Variants in GDAP1 observed in about 807,000 individuals in gnomAD.
GDAP1 encodes ganglioside induced differentiation associated protein 1, also known as ganglioside-induced differentiation-associated protein 1.
A neutral mutation model predicts 40.1 loss-of-function variants in GDAP1; 34 were observed. The observed-to-expected ratio is 0.85, with a 90% CI of 0.64 to 1.13. GDAP1 has a LOEUF of 1.13. GDAP1 is among the 50% of genes most tolerant of loss of function. GDAP1 has a pLI of 0.00. For missense variants in GDAP1, 374 were observed against 433.7 expected, an observed-to-expected ratio of 0.86 and a Z score of 1.22; for synonymous variants, 170 against 157.4, an observed-to-expected ratio of 1.08 and a Z score of -0.60.
At chr8:74,422,255 TTC>T (rs1344324398) in intron 2 of GDAP1, among the ~76,000 whole-genome samples, 2 of 143,690 alleles carry the variant, frequency 1.4e-5, no homozygotes, top group Admixed American at 1.4e-4. Context: ...CCTCCTTTCT[TTC>T]TTTCTTTTTC....
At chr8:74,367,509 C>A (rs754287033), downstream of GDAP1, among the ~76,000 whole-genome samples, 1 of 151,578 alleles carries the variant, frequency 6.6e-6, no homozygotes, top group East Asian at 1.9e-4. Flanking sequence ...TATCTAACTT[C>A]GTAGTCTGCT....
Position 74,468,224 on chromosome 8 carries a change from T to C in GDAP1, c.166-20454T>C, listed in dbSNP as rs181996577. Among the ~76,000 whole-genome samples the C allele has an allele frequency of 9.9e-5, 15 of 152,214 alleles. No homozygotes were observed. The East Asian group carries it at 2.3e-3, about 23-fold the overall frequency. On this transcript the variant is annotated intron_variant, in intron 2 of 2. Transcript: ENST00000523640. ...GGCTAATTCATCTTCATTACTCTTCTTTTTCAGTGGTTTCTCACCTATATG... is the reference window on the plus strand; with the variant it reads ...GGCTAATTCATCTTCATTACTCTTCCTTTTCAGTGGTTTCTCACCTATATG...
At chr8:74,362,011 A>G (rs1362833726) in intron 4 of GDAP1, 33 bp downstream of exon 4, 1 of 1,043,288 alleles carries the variant, frequency 9.6e-7, no homozygotes, top group Non-Finnish European at 1.5e-6. Context: ...GTTGACATAC[A>G]CTGCACGGAG....
intron 2 of GDAP1, among the ~76,000 whole-genome samples, chr8:74,429,431 G>A (rs912599657): frequency 3.3e-5 from 5 of 152,168 alleles, no homozygotes; most frequent in African/African-American, 1.2e-4. Context: ...TGTTAAGGCT[G>A]CTATAACAAA....
intron 2 of GDAP1, among the ~76,000 whole-genome samples, chr8:74,401,574 A>T (rs1810341194): frequency 6.7e-6 from 1 of 149,366 alleles, no homozygotes; most frequent in Non-Finnish European, 1.5e-5. Flanking sequence ...TTCTCCGTCC[A>T]GCTTTGTTCC....
At chr8:74,394,182 C>A (rs1210331390) in intron 2 of GDAP1, among the ~76,000 whole-genome samples, 1 of 152,140 alleles carries the variant, frequency 6.6e-6, no homozygotes, top group Non-Finnish European at 1.5e-5. Context: ...AGAGAGAGAG[C>A]TTGTGCAGGG....
chr8:74,401,824 G>C (rs990228309), intron 2 of GDAP1, among the ~76,000 whole-genome samples: 1 of 150,084 alleles, frequency 6.7e-6, no homozygotes, highest in African/African-American at 2.5e-5. Flanking sequence ...GTCCAGTCCA[G>C]ACCCTGTTTG....
chr8:74,368,531 C>T (rs971698600), downstream of GDAP1, among the ~76,000 whole-genome samples: 1 of 152,180 alleles, frequency 6.6e-6, no homozygotes, highest in Non-Finnish European at 1.5e-5. Context: ...TCTGCTCATT[C>T]CCTTGCAACA....
At chr8:74,409,693 G>A (rs1156705485) in intron 2 of GDAP1, among the ~76,000 whole-genome samples, 1 of 149,934 alleles carries the variant, frequency 6.7e-6, no homozygotes, top group African/African-American at 2.5e-5. Context: ...AGGCCTCCCA[G>A]AGAGTATCAA....
intron 2 of GDAP1, among the ~76,000 whole-genome samples, chr8:74,386,372 G>A (rs1166106724): frequency 1.7e-4 from 26 of 152,166 alleles, no homozygotes; most frequent in Admixed American, 1.7e-3. Flanking sequence ...TGTATAAGGT[G>A]TAAGGATGGG....
chr8:74,484,991 T>A (rs566984454), intron 2 of GDAP1, among the ~76,000 whole-genome samples: 1 of 152,214 alleles, frequency 6.6e-6, no homozygotes, highest in East Asian at 1.9e-4. Flanking sequence ...AAGTTTATCC[T>A]TTACCATTTC....
At chr8:74,487,092 G>T (rs978592843) in intron 2 of GDAP1, among the ~76,000 whole-genome samples, 1 of 152,108 alleles carries the variant, frequency 6.6e-6, no homozygotes, top group Admixed American at 6.6e-5. Flanking sequence ...AATGAGATTT[G>T]CATTTAAAAG....
chr8:74,418,326 T>C (rs1805810676), intron 2 of GDAP1, among the ~76,000 whole-genome samples: 1 of 152,184 alleles, frequency 6.6e-6, no homozygotes, highest in Non-Finnish European at 1.5e-5. Context: ...GTGGCATTGG[T>C]GAAGGGATAA....
chr8:74,486,697 A>G (rs1040817954), intron 2 of GDAP1, among the ~76,000 whole-genome samples: 1 of 152,140 alleles, frequency 6.6e-6, no homozygotes, highest in Non-Finnish European at 1.5e-5. Context: ...AATACACAAA[A>G]TTATTACCTG....
chr8:74,419,017 C>G (rs1458813800), intron 2 of GDAP1, among the ~76,000 whole-genome samples: 2 of 152,160 alleles, frequency 1.3e-5, no homozygotes, highest in African/African-American at 4.8e-5. Context: ...TTAAATTAAA[C>G]ATACTGGCAA....
chr8:74,438,930 A>G (rs753994261), intron 2 of GDAP1, among the ~76,000 whole-genome samples: 8 of 152,110 alleles, frequency 5.3e-5, no homozygotes, highest in African/African-American at 1.9e-4. Context: ...GTATTGGTTT[A>G]TAAGTATTCA....
intron 2 of GDAP1, among the ~76,000 whole-genome samples, chr8:74,356,109 G>A (rs1809081273): frequency 6.6e-6 from 1 of 152,046 alleles, no homozygotes; most frequent in South Asian, 2.1e-4. Flanking sequence ...GTTGAATATA[G>A]GCCTTTTAGC....
At chr8:74,350,692 C>G (rs1395490767) in intron 1 of GDAP1, 114 bp downstream of exon 1, 2 of 795,436 alleles carry the variant, frequency 2.5e-6, no homozygotes, top group Non-Finnish European at 4.4e-6. Context: ...CCTCCAGTGT[C>G]CTGACCCCGG....
At chr8:74,383,612 A>G (rs959384950) in intron 2 of GDAP1, among the ~76,000 whole-genome samples, 1 of 152,140 alleles carries the variant, frequency 6.6e-6, no homozygotes, top group Non-Finnish European at 1.5e-5. Context: ...CAGAAATCTC[A>G]TTTCCAAATC....
Sources: gnomAD v4.1 joint callset for allele counts (sites outside exome capture counted in the v4.1 genomes callset) on GRCh38, gnomAD v4.1.1 for gene constraint, MANE v1.5 for transcripts, NCBI Gene and HGNC (gene_info 2026-07-23, HGNC 2026-07-21) for gene names.